The following GPR4 variants were observed in gnomAD, a reference collection of about 807,000 sequenced individuals.
GPR4 encodes G-prodeshotein coupled receptor 4.
GPR4 carries 11 observed loss-of-function variants against 17.8 expected under a neutral mutation model. The ratio of observed to expected loss-of-function variants is 0.62; its 90% confidence interval spans 0.39 to 1.02. The LOEUF is 1.02. GPR4 is among the 50% of genes least tolerant of loss of function. The probability of loss-of-function intolerance (pLI) is 0.00; values close to 1 mark genes in which losing one functional copy is unlikely to be tolerated. For missense variants in GPR4, 364 were observed against 495.4 expected, an observed-to-expected ratio of 0.73 and a Z score of 2.52; for synonymous variants, 219 against 222.8, an observed-to-expected ratio of 0.98 and a Z score of 0.15.
chr19:45,594,421 CAAAAAAA>C (rs11284570), intron 1 of GPR4, among the ~76,000 whole-genome samples: 1 of 75,800 alleles, frequency 1.3e-5, no homozygotes, highest in Admixed American at 1.6e-4. Flanking sequence ...GACTCCGTCT[CAAAAAAA>C]AAAAAAAAAA....
chr19:45,597,433 C>T (rs1250344996), intron 1 of GPR4, among the ~76,000 whole-genome samples: 4 of 152,102 alleles, frequency 2.6e-5, no homozygotes, highest in East Asian at 3.8e-4. Flanking sequence ...ATTCAGTCCC[C>T]GACTCTCCCC....
In GPR4 at chr19:45,595,312, TA is replaced by T. The variant is rs764130827; in HGVS notation, c.-831-2616del. Reference sequence around the variant, plus strand: ...ATAAATAAATAAATAAATAAATAAATAAATAAAAAATAACTGGACAGAAAAG... The same window carrying T: ...ATAAATAAATAAATAAATAAATAAATAATAAAAAATAACTGGACAGAAAAG... On this transcript the variant is annotated intron_variant, in intron 1 of 1. Coordinates refer to ENST00000323040, the MANE Select transcript of GPR4 (RefSeq NM_005282.3). 8.5e-5 allele frequency among the ~76,000 whole-genome samples: 12 copies of T among 140,770 alleles called. No individual in the cohort carries two copies. The East Asian group carries it at 1.8e-3, about 21-fold the overall frequency. The allele number at this position is 140,770 out of a possible 152,430, so 92.4% of individuals were successfully genotyped here. A position where few individuals can be genotyped will look rare whatever the true frequency, so the allele number is the denominator to read the frequency against.
intron 1 of GPR4, among the ~76,000 whole-genome samples, chr19:45,595,931 C>T (rs1470265234): frequency 1.3e-5 from 2 of 152,076 alleles, no homozygotes; most frequent in African/African-American, 4.8e-5. Context: ...GAAACCAATC[C>T]CCAGAGAGGG....
At chr19:45,593,520 A>C in intron 1 of GPR4, among the ~76,000 whole-genome samples, 1 of 136,474 alleles carries the variant, frequency 7.3e-6, no homozygotes, top group African/African-American at 2.7e-5. Flanking sequence ...AAGAAAAGAA[A>C]AAAAAGAAAA....
At chr19:45,593,089 T>C (rs1249977195) in intron 1 of GPR4, among the ~76,000 whole-genome samples, 1 of 148,146 alleles carries the variant, frequency 6.8e-6, no homozygotes, top group Non-Finnish European at 1.5e-5. Flanking sequence ...TCACAGCTAC[T>C]GGGGAGGCTG....
rs1275231676 is a variant in GPR4 at position 45,592,082 on chromosome 19, A to G, written c.-216T>C. ...GAAAAGTTGGAGGAGGGATGGAATT[A>G]TGACAGGAGGGAAGTCTGGAGGATG... is the stretch of plus-strand genomic sequence containing the variant. On this transcript the variant is annotated 5_prime_UTR_variant, in exon 2 of 2. An upstream open reading frame in the 5' UTR loses its in-frame stop. Transcript: ENST00000323040. The G allele has an allele frequency of 2.0e-6, 1 of 504,908 alleles. No homozygotes were observed. Among genetic ancestry groups the G allele is most frequent in the Non-Finnish European group, 3.6e-6 (1 of 278,368 alleles). The allele number at this position is 504,908 out of a possible 1,614,324, so 31.3% of individuals were successfully genotyped here.
Position 45,590,109 on chromosome 19 carries a change from C to T in GPR4, c.*669G>A. ...CTGGCCTGTATGACCAGGGGCTTTG[C>T]AAACATAATGACTCTATATCGGCTG... On this transcript the variant is annotated 3_prime_UTR_variant, in exon 2 of 2. Transcript: ENST00000323040. The T allele has an allele frequency of 6.6e-6, 1 of 152,152 alleles. No individual in the cohort carries two copies. Among genetic ancestry groups the T allele is most frequent in the South Asian group, 2.1e-4 (1 of 4,826 alleles). 9.4% of individuals were successfully genotyped at this position (152,152 alleles called of 1,614,324 possible).
At chr19:45,600,578 C>T (rs984163759) in intron 1 of GPR4, among the ~76,000 whole-genome samples, 3 of 152,154 alleles carry the variant, frequency 2.0e-5, no homozygotes, top group African/African-American at 7.2e-5. Flanking sequence ...CAAATTAATC[C>T]GACTTAGTGG....
At chr19:45,594,291 G>A (rs1235807102) in intron 1 of GPR4, among the ~76,000 whole-genome samples, 3 of 148,658 alleles carry the variant, frequency 2.0e-5, no homozygotes, top group Admixed American at 6.7e-5. Context: ...GCATGGTGGC[G>A]CACACCTGTA....
At chr19:45,597,509 C>A (rs1411132358) in intron 1 of GPR4, among the ~76,000 whole-genome samples, 1 of 152,120 alleles carries the variant, frequency 6.6e-6, no homozygotes, top group Non-Finnish European at 1.5e-5. Flanking sequence ...AATAGGTTGT[C>A]CAGGAGGGCA....
At chr19:45,592,874 T>G (rs10411821) in intron 1 of GPR4, among the ~76,000 whole-genome samples, 177 bp from the exon 2 acceptor site, 53,282 of 151,852 alleles carry the variant, frequency 0.35, 9,607 homozygotes, top group South Asian at 0.41. Flanking sequence ...CAGGCATATT[T>G]TCCCCTGACA....
At position 45,592,556 on chromosome 19, in the gene GPR4, G is replaced by T. The variant is rs1248617525; in HGVS notation, c.-690C>A. Reference sequence around the variant, plus strand: ...GGCAGGAAGGAGTCTTAGGAAACAGGAAGGAGGTGAGTAAGGTCTAGATCA... The same window carrying T: ...GGCAGGAAGGAGTCTTAGGAAACAGTAAGGAGGTGAGTAAGGTCTAGATCA... On this transcript the variant is annotated 5_prime_UTR_variant, in exon 2 of 2. Transcript: ENST00000323040. 6.0e-6 allele frequency: 1 copy of T among 167,372 alleles called. No homozygotes were observed. The highest frequency in any genetic ancestry group is 1.5e-5 in the Non-Finnish European group (1 of 68,318). 10.4% of individuals were successfully genotyped at this position (167,372 alleles called of 1,614,324 possible).
In GPR4 at chr19:45,591,191, C is replaced by T; in HGVS notation, c.676G>A (p.Ala226Thr). ...RQEKAKIKRL[A>T]LSLIAIVLVC... ...AGCACGATGGCGATGAGGCTGAGGG[C>T]CAGCCGCTTGATCTTGGCCTTCTCC... The change falls in exon 2 of 2, where the codon GCC (alanine) becomes ACC (threonine). Residue 226 changes from alanine to threonine, a missense_variant. Physicochemically the swap from Ala to Thr is moderately conservative, Grantham distance 58. Around this residue, in one of 3 missense-constraint regions of GPR4, gnomAD observed 271 missense variants for 373.1 expected, o/e 0.73. Transcript: ENST00000323040. The surrounding 1 kb of genome is among the most constrained non-coding windows in gnomAD (Gnocchi z 7.6). The T allele has an allele frequency of 6.2e-7, 1 of 1,613,538 alleles. No homozygotes were observed. The highest frequency in any genetic ancestry group is 8.5e-7 in the Non-Finnish European group (1 of 1,179,980).
At position 45,590,908 on chromosome 19, in the gene GPR4, G is replaced by C; in HGVS notation, c.959C>G (p.Ser320Trp). 6.2e-7 allele frequency: 1 copy of C among 1,614,118 alleles called. No individual in the cohort carries two copies. Among genetic ancestry groups the C allele is most frequent in the Non-Finnish European group, 8.5e-7 (1 of 1,180,046 alleles). The change falls in exon 2 of 2, where the codon TCG becomes TGG. Residue 320 changes from serine to tryptophan, a missense_variant. Transcript: ENST00000323040. ...GGTGAGTGGGGTCTCCAGGGTGAGC[G>C]AGGCATTGGCCATCTCCTGGGGCTT... ...SDKPQEMANA[S>W]LTLETPLTSK...
chr19:45,590,718 C>G lies in GPR4; in HGVS notation c.*60G>C. 1 of 1,515,606 alleles carries G rather than the reference C, an allele frequency of 6.6e-7. No individual in the cohort carries two copies. The highest frequency in any genetic ancestry group is 1.4e-5 in the African/African-American group (1 of 71,818). 93.9% of individuals were successfully genotyped at this position (1,515,606 alleles called of 1,614,324 possible). A position where few individuals can be genotyped will look rare whatever the true frequency, so the allele number is the denominator to read the frequency against. ...TCCATACAATTTGCATACACCAGAC[C>G]AGGAGAGAAGGGACTGTGGGATGAG... On this transcript the variant is annotated 3_prime_UTR_variant, in exon 2 of 2. Transcript: ENST00000323040.
Position 45,591,389 on chromosome 19 carries a change from G to C in GPR4, c.478C>G (p.Arg160Gly). 1 of 1,613,522 alleles carries C rather than the reference G, an allele frequency of 6.2e-7. No homozygotes were observed. Among genetic ancestry groups the C allele is most frequent in the East Asian group, 2.2e-5 (1 of 44,850 alleles). ...SAPLFHDELF[R>G]DRYNHTFCFE... ...CAGAAGGTGTGGTTGTAGCGGTCTCGGAAGAGCTCGTCATGGAACAGGGGC... is the reference window on the plus strand; with the variant it reads ...CAGAAGGTGTGGTTGTAGCGGTCTCCGAAGAGCTCGTCATGGAACAGGGGC... Residue 160 changes from arginine (R) to glycine (G), a missense_variant, in exon 2 of 2, where the codon CGA (arginine) becomes GGA (glycine). Coordinates refer to ENST00000323040, the MANE Select transcript of GPR4 (RefSeq NM_005282.3). The surrounding 1 kb of genome is among the most constrained non-coding windows in gnomAD (Gnocchi z 7.6).
intron 1 of GPR4, chr19:45,599,735 C>T (rs181556603): frequency 2.0e-5 from 3 of 152,320 alleles, no homozygotes; most frequent in African/African-American, 7.2e-5. Flanking sequence ...GTTCACTTCG[C>T]AGTTGAATGT....
At chr19:45,597,984 C>G (rs1970075266) in intron 1 of GPR4, among the ~76,000 whole-genome samples, 1 of 152,090 alleles carries the variant, frequency 6.6e-6, no homozygotes, top group South Asian at 2.1e-4. Flanking sequence ...GGGCGTACTC[C>G]AGGCTGGAAC....
In GPR4 at chr19:45,590,056, GA is replaced by G. The variant is rs1969972966; in HGVS notation, c.*721del. The G allele has an allele frequency of 6.6e-6, 1 of 152,090 alleles. No homozygotes were observed. Among genetic ancestry groups the G allele is most frequent in the African/African-American group, 2.4e-5 (1 of 41,380 alleles). The allele number at this position is 152,090 out of a possible 1,614,324, so 9.4% of individuals were successfully genotyped here. A position where few individuals can be genotyped will look rare whatever the true frequency, so the allele number is the denominator to read the frequency against. On this transcript the variant is annotated 3_prime_UTR_variant, in exon 2 of 2. Transcript: ENST00000323040. Reference sequence around the variant, plus strand: ...TGACTTGGAGATCGCTGTTTATCTAGAAACTTAGAATTGCGGTCTTATGTTC... The same window carrying G: ...TGACTTGGAGATCGCTGTTTATCTAGAACTTAGAATTGCGGTCTTATGTTC...
Sources: gnomAD v4.1 joint callset for allele counts (sites outside exome capture counted in the v4.1 genomes callset) on GRCh38, gnomAD v4.1.1 for gene constraint, gnomAD v4.1.1 regional missense constraint, Gnocchi (gnomAD v3.1) non-coding constraint, MANE v1.5 for transcripts, NCBI Gene and HGNC (gene_info 2026-07-23, HGNC 2026-07-21) for gene names.